Variants in MAPK4 observed in about 807,000 individuals in gnomAD.
MAPK4 encodes mitogen-activated protein kinase 4, also known as Erk3-related.
MAPK4 carries 22 observed loss-of-function variants against 47.7 expected under a neutral mutation model. The ratio of observed to expected loss-of-function variants is 0.46; its 90% CI spans 0.33 to 0.66. The LOEUF is 0.66. Ranked by LOEUF, MAPK4 falls within the 30% of genes least tolerant of loss-of-function variation. The pLI, the probability that MAPK4 is intolerant of heterozygous loss-of-function variation, is 0.02. For synonymous variants in MAPK4, 390 were observed against 365.7 expected, an observed-to-expected ratio of 1.07 and a Z score of -0.76; for missense variants, 736 against 831.7, an observed-to-expected ratio of 0.88 and a Z score of 1.42.
chr18:50,594,585 C>A (rs191503560), intron 1 of MAPK4, among the ~76,000 whole-genome samples: 19 of 152,212 alleles, frequency 1.2e-4, no homozygotes, highest in African/African-American at 4.6e-4. Flanking sequence ...GCTCTGTACA[C>A]ATCAAAACTA....
intron 2 of MAPK4, among the ~76,000 whole-genome samples, chr18:50,693,942 G>A (rs1909368765): frequency 1.3e-5 from 2 of 152,190 alleles, no homozygotes; most frequent in African/African-American, 2.4e-5. Flanking sequence ...CCAGGGTTCT[G>A]CCCCAGGGCC....
chr18:50,632,252 C>T (rs564694173), intron 1 of MAPK4, among the ~76,000 whole-genome samples: 7 of 152,156 alleles, frequency 4.6e-5, no homozygotes, highest in African/African-American at 1.7e-4. Flanking sequence ...TTTCACGTGG[C>T]TGGGAGTTAC....
intron 2 of MAPK4, among the ~76,000 whole-genome samples, chr18:50,687,318 C>T (rs909022909): frequency 2.6e-5 from 4 of 152,294 alleles, no homozygotes; most frequent in African/African-American, 9.6e-5. Flanking sequence ...AGCCACCATG[C>T]CTGGCCAATG....
chr18:50,560,499 AC>A (rs1046116122), intron 1 of MAPK4: 3 of 152,268 alleles, frequency 2.0e-5, no homozygotes, highest in African/African-American at 7.3e-5. Context: ...GCTGTCCTGG[AC>A]CCGTTTGGGA....
At chr18:50,652,566 T>C (rs1397716472) in intron 1 of MAPK4, among the ~76,000 whole-genome samples, 1 of 152,104 alleles carries the variant, frequency 6.6e-6, no homozygotes, top group Non-Finnish European at 1.5e-5. Flanking sequence ...AAGAAGTCAG[T>C]ATTAGAAATT....
intron 1 of MAPK4, among the ~76,000 whole-genome samples, chr18:50,610,089 AG>A (rs879495953): frequency 7.9e-5 from 12 of 152,218 alleles, no homozygotes; most frequent in Non-Finnish European, 1.5e-4. Context: ...TGTACCAACC[AG>A]GGTCATGGTT....
intron 2 of MAPK4, among the ~76,000 whole-genome samples, chr18:50,687,279 C>A (rs967479544): frequency 6.6e-6 from 1 of 152,114 alleles, no homozygotes; most frequent in African/African-American, 2.4e-5. Flanking sequence ...GTCACCTCAG[C>A]CTCCCAAAGT....
At chr18:50,621,527 A>G (rs112547496) in intron 1 of MAPK4, among the ~76,000 whole-genome samples, 5 of 152,302 alleles carry the variant, frequency 3.3e-5, no homozygotes, top group African/African-American at 1.2e-4. Context: ...GAGAGCCACA[A>G]TCCGCCAAGA....
intron 2 of MAPK4, among the ~76,000 whole-genome samples, chr18:50,680,652 C>T (rs551578169): frequency 9.9e-5 from 15 of 152,116 alleles, no homozygotes; most frequent in Non-Finnish European, 1.9e-4. Flanking sequence ...TTGCCTAGTC[C>T]GAATATTTCA....
intron 3 of MAPK4, 119 bp from the exon 4 acceptor site, chr18:50,721,819 C>G (rs1346094521): frequency 1.2e-5 from 11 of 910,674 alleles, no homozygotes; most frequent in Non-Finnish European, 9.8e-6. Context: ...CCGGTCCCAG[C>G]CCAGTGCTGC....
rs1430398680 is a variant in MAPK4 at position 50,678,344 on chromosome 18, A to G, written c.546+13840A>G. Among the ~76,000 whole-genome samples, 1 of 152,226 alleles carries G rather than the reference A, an allele frequency of 6.6e-6. No individual in the cohort carries two copies. The highest frequency in any genetic ancestry group is 1.5e-5 in the Non-Finnish European group (1 of 68,030). ...ATGTTGACACATTTGCAATTTGGCCAAAGCCTGCCTCTAGTACTGTGGTTA... is the reference window on the plus strand; with the variant it reads ...ATGTTGACACATTTGCAATTTGGCCGAAGCCTGCCTCTAGTACTGTGGTTA... On this transcript the variant is annotated intron_variant, in intron 2 of 5. Coordinates refer to ENST00000400384, the MANE Select transcript of MAPK4 (RefSeq NM_002747.4). The surrounding 1 kb of genome is among the most constrained non-coding windows in gnomAD (Gnocchi z 4.2).
intron 1 of MAPK4, chr18:50,629,412 C>G (rs144781501): frequency 6.6e-6 from 1 of 152,344 alleles, no homozygotes; most frequent in East Asian, 1.9e-4. Flanking sequence ...AAGTTTTCAG[C>G]AAAGCACTTG....
intron 1 of MAPK4, among the ~76,000 whole-genome samples, chr18:50,635,084 G>A (rs182382191): frequency 6.6e-5 from 10 of 152,344 alleles, no homozygotes; most frequent in Admixed American, 2.6e-4. Context: ...TGAGGGCAGC[G>A]TATCTGTCTT....
intron 1 of MAPK4, among the ~76,000 whole-genome samples, chr18:50,627,742 G>A (rs1448664556): frequency 6.6e-6 from 1 of 152,192 alleles, no homozygotes. Flanking sequence ...GCCTGCCCAG[G>A]AGATGACACA....
intron 1 of MAPK4, among the ~76,000 whole-genome samples, chr18:50,640,991 C>T (rs749680776): frequency 6.6e-6 from 1 of 152,132 alleles, no homozygotes; most frequent in Non-Finnish European, 1.5e-5. Context: ...GCGTTTTTGT[C>T]TTTTAAATCT....
At chr18:50,561,956 CA>C (rs772666400) in intron 1 of MAPK4, among the ~76,000 whole-genome samples, 2 of 152,166 alleles carry the variant, frequency 1.3e-5, no homozygotes, top group Non-Finnish European at 2.9e-5. Context: ...TGGAGACAGA[CA>C]AAAAGACACC....
intron 2 of MAPK4, chr18:50,704,716 C>G (rs1909962223): frequency 2.5e-6 from 1 of 398,646 alleles, no homozygotes; most frequent in Middle Eastern, 6.3e-4. Context: ...GCCTGGAGGC[C>G]TAATGGAGGA....
intron 2 of MAPK4, among the ~76,000 whole-genome samples, chr18:50,711,825 T>G (rs955449179): frequency 5.0e-5 from 3 of 59,920 alleles, no homozygotes; most frequent in Admixed American, 1.4e-4. Flanking sequence ...TTCTTTAAAG[T>G]TTTTTTTTTT....
rs577324442 is a variant in MAPK4 at position 50,644,432 on chromosome 18, A to G, written c.-870-18657A>G. On this transcript the variant is annotated intron_variant, in intron 1 of 5. Coordinates refer to ENST00000400384, the MANE Select transcript of MAPK4 (RefSeq NM_002747.4). ...CCCCAAGCCTATTCAGTCATGCAGCAAAATCCTCAGGAGTTCCTAGAGCAG... is the reference window on the plus strand; with the variant it reads ...CCCCAAGCCTATTCAGTCATGCAGCGAAATCCTCAGGAGTTCCTAGAGCAG... Among the ~76,000 whole-genome samples the G allele has an allele frequency of 1.3e-4, 20 of 152,254 alleles. 1 individual carries two copies. Among genetic ancestry groups the G allele is most frequent in the Admixed American group, 9.2e-4 (14 of 15,290 alleles).
Sources: gnomAD v4.1 joint callset for allele counts (sites outside exome capture counted in the v4.1 genomes callset) on GRCh38, gnomAD v4.1.1 for gene constraint, Gnocchi (gnomAD v3.1) non-coding constraint, MANE v1.5 for transcripts, NCBI Gene and HGNC (gene_info 2026-07-23, HGNC 2026-07-21) for gene names.